DEFB121: variants seen among roughly 807,000 people sequenced by gnomAD.
DEFB121 encodes defensin beta 121, also known as beta-defensin 121.
In DEFB121, 5 loss-of-function variants were observed where a neutral mutation model predicts 2.5. That is an observed-to-expected ratio of 1.96 (90% CI 1.03 to 4.13). The LOEUF (loss-of-function observed/expected upper bound fraction) is 4.13. DEFB121 is among the 30% of genes most tolerant of loss of function. The pLI is 0.00. For synonymous variants in DEFB121, 39 were observed against 32.6 expected, an observed-to-expected ratio of 1.20 and a Z score of -0.67; for missense variants, 87 against 85.0, an observed-to-expected ratio of 1.02 and a Z score of -0.09.
upstream of DEFB121, among the ~76,000 whole-genome samples, chr20:31,416,194 G>A (rs1202827652): frequency 6.6e-6 from 1 of 152,072 alleles, no homozygotes; most frequent in Non-Finnish European, 1.5e-5. Flanking sequence ...CCAAGTAGCT[G>A]GGACTACAGG....
upstream of DEFB121, among the ~76,000 whole-genome samples, chr20:31,415,297 TGGAG>T (rs2122365698): frequency 6.6e-6 from 1 of 151,374 alleles, no homozygotes; most frequent in Non-Finnish European, 1.5e-5. Flanking sequence ...TCCCCCAGGC[TGGAG>T]TGGAGTGGTA....
rs575125465 is a variant in DEFB121, at chr20:31,412,350, G to T, written n.217+272C>A. Among the ~76,000 whole-genome samples the T allele has an allele frequency of 7.8e-4, 119 of 152,292 alleles. No homozygotes were observed. In the Middle Eastern group the frequency reaches 0.027, roughly 35 times the overall value. On this transcript the variant is annotated intron_variant and non_coding_transcript_variant, in intron 1 of 1. Coordinates refer to the DEFB121 transcript ENST00000376312. ...GACAATCTATCACTAGGGGTAATGT[G>T]GGGAAATGGAAAGAATACAAGATTT...
upstream of DEFB121, among the ~76,000 whole-genome samples, chr20:31,410,848 GA>G (rs1978642389): frequency 6.6e-6 from 1 of 151,910 alleles, no homozygotes; most frequent in African/African-American, 2.4e-5. Flanking sequence ...GAGAGAGAGA[GA>G]GAGAGAAAGA....
upstream of DEFB121, among the ~76,000 whole-genome samples, chr20:31,415,238 T>G (rs1219966535): frequency 6.6e-6 from 1 of 151,170 alleles, no homozygotes; most frequent in East Asian, 1.9e-4. Context: ...GAATATTTGA[T>G]GTACAGTCCT....
upstream of DEFB121, among the ~76,000 whole-genome samples, chr20:31,414,856 G>T (rs1352618893): frequency 6.6e-6 from 1 of 152,176 alleles, no homozygotes; most frequent in Non-Finnish European, 1.5e-5. Context: ...TTCAAGACCA[G>T]CCTAAGCAAC....
At chr20:31,405,322 C>T (rs1978442449) in intron 1 of DEFB121, among the ~76,000 whole-genome samples, 1 of 151,656 alleles carries the variant, frequency 6.6e-6, no homozygotes, top group African/African-American at 2.4e-5. Context: ...TGGCATAGGA[C>T]CTACTGGATA....
upstream of DEFB121, among the ~76,000 whole-genome samples, chr20:31,414,271 G>T (rs1161208553): frequency 1.3e-5 from 2 of 151,712 alleles, no homozygotes; most frequent in Non-Finnish European, 2.9e-5. Flanking sequence ...AGGGGAAGGG[G>T]AGGAAAGGAA....
upstream of DEFB121, among the ~76,000 whole-genome samples, chr20:31,408,936 G>A (rs1219281142): frequency 6.6e-6 from 1 of 151,864 alleles, no homozygotes; most frequent in African/African-American, 2.4e-5. Flanking sequence ...TGAGGCAGGA[G>A]AATTGTTTGA....
chr20:31,416,210 G>A (rs563680757), upstream of DEFB121, among the ~76,000 whole-genome samples: 60 of 152,154 alleles, frequency 3.9e-4, no homozygotes, highest in Middle Eastern at 0.01. Flanking sequence ...ACAGGTGTGC[G>A]CCACCACGCC....
At chr20:31,413,977 G>A (rs572081983), upstream of DEFB121, among the ~76,000 whole-genome samples, 2 of 152,192 alleles carry the variant, frequency 1.3e-5, no homozygotes, top group East Asian at 3.8e-4. Flanking sequence ...GGAGGCTGAG[G>A]CAGGCAGATT....
At chr20:31,414,097 C>G (rs1978739268), upstream of DEFB121, among the ~76,000 whole-genome samples, 1 of 151,988 alleles carries the variant, frequency 6.6e-6, no homozygotes, top group Non-Finnish European at 1.5e-5. Context: ...ATCCCAGCTA[C>G]TCAGGAGGCT....
upstream of DEFB121, among the ~76,000 whole-genome samples, chr20:31,408,574 A>G (rs1978560803): frequency 6.6e-6 from 1 of 152,206 alleles, no homozygotes; most frequent in African/African-American, 2.4e-5. Context: ...AACTATCACA[A>G]CTACTCAACT....
chr20:31,417,808 CA>C (rs1473441247), upstream of DEFB121, among the ~76,000 whole-genome samples: 5 of 151,642 alleles, frequency 3.3e-5, no homozygotes, highest in Non-Finnish European at 5.9e-5. Context: ...ACTAAAAATA[CA>C]AAAATTAGCC....
At chr20:31,414,107 T>A (rs188540676), upstream of DEFB121, among the ~76,000 whole-genome samples, 156 of 152,216 alleles carry the variant, frequency 1.0e-3, no homozygotes, top group African/African-American at 3.5e-3. Flanking sequence ...CTCAGGAGGC[T>A]GAGGCAGGAG....
At chr20:31,411,089 A>G (rs975663998), upstream of DEFB121, among the ~76,000 whole-genome samples, 1 of 152,250 alleles carries the variant, frequency 6.6e-6, no homozygotes, top group Non-Finnish European at 1.5e-5. Context: ...CATTATGTGC[A>G]TGATTTATCG....
At chr20:31,409,930 G>T (rs1978610550), upstream of DEFB121, among the ~76,000 whole-genome samples, 1 of 152,018 alleles carries the variant, frequency 6.6e-6, no homozygotes, top group African/African-American at 2.4e-5. Flanking sequence ...GGAGGAAGTG[G>T]GCATTGACTG....
At chr20:31,407,717 G>A (rs2122352132), upstream of DEFB121, among the ~76,000 whole-genome samples, 1 of 152,330 alleles carries the variant, frequency 6.6e-6, no homozygotes, top group Non-Finnish European at 1.5e-5. Flanking sequence ...AAGGCCAGCA[G>A]ATAGATCAGG....
chr20:31,415,019 C>T (rs1259317226), upstream of DEFB121, among the ~76,000 whole-genome samples: 2 of 152,102 alleles, frequency 1.3e-5, no homozygotes, highest in Non-Finnish European at 2.9e-5. Flanking sequence ...GTGAGCCGTG[C>T]TTGTGCCACT....
At chr20:31,406,030 C>A in intron 1 of DEFB121, 65 bp downstream of exon 1, 1 of 1,583,916 alleles carries the variant, frequency 6.3e-7, no homozygotes, top group Non-Finnish European at 8.7e-7. Flanking sequence ...TGTCAGAGTC[C>A]CCAGAGTTCT....
Sources: gnomAD v4.1 joint callset for allele counts (sites outside exome capture counted in the v4.1 genomes callset) on GRCh38, gnomAD v4.1.1 for gene constraint, MANE v1.5 for transcripts, NCBI Gene and HGNC (gene_info 2026-07-23, HGNC 2026-07-21) for gene names.